SGCZ: variants seen among roughly 807,000 people sequenced by gnomAD.
SGCZ encodes the protein sarcoglycan zeta.
SGCZ carries 40 observed loss-of-function variants against 41.3 expected under a neutral mutation model. The observed-to-expected ratio is 0.97, with a 90% CI of 0.75 to 1.26. The LOEUF (loss-of-function observed/expected upper bound fraction) is 1.26. Among genes scored for constraint, SGCZ ranks in the 50% most tolerant of loss-of-function variants. The pLI is 0.00. For synonymous variants in SGCZ, 206 were observed against 137.5 expected, an observed-to-expected ratio of 1.50 and a Z score of -3.49; for missense variants, 552 against 369.8, an observed-to-expected ratio of 1.49 and a Z score of -4.04.
At chr8:14,155,969 A>G (rs1407058513) in intron 5 of SGCZ, among the ~76,000 whole-genome samples, 1 of 152,154 alleles carries the variant, frequency 6.6e-6, no homozygotes, top group Non-Finnish European at 1.5e-5. Flanking sequence ...ATCTAAACAC[A>G]GAAAAGGTAC....
intron 1 of SGCZ, among the ~76,000 whole-genome samples, chr8:14,826,926 C>G (rs919074906): frequency 6.6e-6 from 1 of 152,090 alleles, no homozygotes; most frequent in African/African-American, 2.4e-5. Flanking sequence ...TGTGCAGAAG[C>G]TCTTTAGTTT....
intron 2 of SGCZ, among the ~76,000 whole-genome samples, chr8:14,450,011 T>C (rs1357778899): frequency 6.6e-6 from 1 of 152,124 alleles, no homozygotes; most frequent in Non-Finnish European, 1.5e-5. Context: ...TGTAATATGA[T>C]CCAGAACTCT....
chr8:14,217,132 G>A (rs144829692), intron 4 of SGCZ, among the ~76,000 whole-genome samples: 57 of 151,676 alleles, frequency 3.8e-4, no homozygotes, highest in Non-Finnish European at 4.4e-5. Flanking sequence ...CTAAAAATAC[G>A]CACACACACA....
chr8:14,120,103 G>C (rs1023835676), intron 5 of SGCZ, among the ~76,000 whole-genome samples: 1 of 151,980 alleles, frequency 6.6e-6, no homozygotes, highest in Non-Finnish European at 1.5e-5. Flanking sequence ...TTTATTCCTA[G>C]GGATAGATAC....
intron 2 of SGCZ, among the ~76,000 whole-genome samples, chr8:14,491,271 A>T: frequency 6.9e-6 from 1 of 145,506 alleles, no homozygotes; most frequent in East Asian, 2.1e-4. Flanking sequence ...ACACACACTC[A>T]CCCACCCACC....
intron 5 of SGCZ, among the ~76,000 whole-genome samples, chr8:14,142,915 G>A (rs1013533003): frequency 3.3e-5 from 5 of 151,522 alleles, no homozygotes; most frequent in African/African-American, 1.2e-4. Flanking sequence ...TAAGTTTCCT[G>A]AGACCTCCCT....
chr8:14,534,777 G>A (rs1173783759), intron 2 of SGCZ, among the ~76,000 whole-genome samples: 2 of 151,926 alleles, frequency 1.3e-5, no homozygotes, highest in Non-Finnish European at 2.9e-5. Context: ...AATATCTGAT[G>A]CACATCACGG....
At chr8:15,009,007 G>A (rs1025515375) in intron 1 of SGCZ, among the ~76,000 whole-genome samples, 3 of 152,032 alleles carry the variant, frequency 2.0e-5, no homozygotes, top group African/African-American at 4.8e-5. Context: ...CTGTTTTCAC[G>A]TATCCTGGCC....
intron 1 of SGCZ, among the ~76,000 whole-genome samples, chr8:14,836,402 G>A (rs1802704004): frequency 6.6e-6 from 1 of 152,098 alleles, no homozygotes; most frequent in African/African-American, 2.4e-5. Flanking sequence ...CCAAAATGTA[G>A]GTGTTATGTT....
At chr8:14,308,635 C>T (rs535592569) in intron 3 of SGCZ, among the ~76,000 whole-genome samples, 1 of 152,002 alleles carries the variant, frequency 6.6e-6, no homozygotes, top group Non-Finnish European at 1.5e-5. Flanking sequence ...TATAAAACAT[C>T]CATCCAGACA....
At chr8:14,412,194 G>A (rs531915480) in intron 2 of SGCZ, among the ~76,000 whole-genome samples, 132 of 152,090 alleles carry the variant, frequency 8.7e-4, no homozygotes, top group African/African-American at 1.8e-3. Context: ...CTCACAGACC[G>A]GAATGCAAAC....
chr8:14,341,568 A>G (rs559527507), intron 2 of SGCZ, among the ~76,000 whole-genome samples: 48 of 152,024 alleles, frequency 3.2e-4, no homozygotes, highest in African/African-American at 1.2e-3. Context: ...GCCCTTGTTC[A>G]TTTTTTTCTC....
intron 4 of SGCZ, among the ~76,000 whole-genome samples, chr8:14,194,782 A>G (rs1805212861): frequency 6.6e-6 from 1 of 151,938 alleles, no homozygotes; most frequent in African/African-American, 2.4e-5. Context: ...ACTGCAGATT[A>G]CCATTTTAAG....
chr8:14,683,684 T>C (rs541074360), intron 1 of SGCZ, among the ~76,000 whole-genome samples: 4 of 152,250 alleles, frequency 2.6e-5, no homozygotes, highest in Admixed American at 1.3e-4. Flanking sequence ...CAAAATAACA[T>C]AGTACAAGTG....
intron 2 of SGCZ, among the ~76,000 whole-genome samples, chr8:14,479,225 G>C (rs1376137614): frequency 6.6e-6 from 1 of 152,174 alleles, no homozygotes; most frequent in Non-Finnish European, 1.5e-5. Flanking sequence ...GAAGGCCAGA[G>C]AGCCCCTGGT....
chr8:14,551,534 A>AATATATAT (rs1803841772), intron 2 of SGCZ, among the ~76,000 whole-genome samples: 1 of 7,844 alleles, frequency 1.3e-4, no homozygotes, highest in Non-Finnish European at 2.2e-4. Context: ...AATATATATA[A>AATATATAT]TATATATAAT....
At chr8:14,483,742 A>G (rs13271051) in intron 2 of SGCZ, among the ~76,000 whole-genome samples, 137,783 of 152,182 alleles carry the variant, frequency 0.91, 63,737 homozygotes, top group East Asian at 1. Context: ...TAAGAATAAC[A>G]GGTTTCAATT....
chr8:14,223,088 G>T (rs1806258876), intron 4 of SGCZ, among the ~76,000 whole-genome samples: 1 of 152,050 alleles, frequency 6.6e-6, no homozygotes, highest in African/African-American at 2.4e-5. Context: ...GGGATTACAT[G>T]ATTGAGCCAT....
chr8:14,235,749 A>C (rs762671588), intron 4 of SGCZ, among the ~76,000 whole-genome samples: 41 of 152,106 alleles, frequency 2.7e-4, no homozygotes, highest in Non-Finnish European at 5.3e-4. Context: ...CAGTGGCCCA[A>C]TCTCGGCTCA....
Sources: allele counts gnomAD v4.1 joint callset (sites outside exome capture counted in the v4.1 genomes callset), GRCh38; gene constraint gnomAD v4.1.1; transcripts MANE v1.5; gene names NCBI Gene and HGNC (gene_info 2026-07-23, HGNC 2026-07-21).